Variants in NFYA observed in about 807,000 individuals in gnomAD.
The protein encoded by NFYA is nuclear transcription factor Y subunit alpha.
A neutral mutation model predicts 52.8 loss-of-function variants in NFYA; 28 were observed. The ratio of observed to expected loss-of-function variants is 0.53; its 90% CI spans 0.39 to 0.73. The LOEUF (loss-of-function observed/expected upper bound fraction) is 0.73. NFYA is among the 30% of genes least tolerant of loss of function. The pLI is 0.00. For missense variants in NFYA, 234 were observed against 427.0 expected (o/e 0.55, Z 3.98); for synonymous variants, 150 against 150.7 (o/e 1.00, Z 0.03).
intron 4 of NFYA, among the ~76,000 whole-genome samples, chr6:41,085,832 T>A (rs1764030434): frequency 6.6e-6 from 1 of 152,084 alleles, no homozygotes; most frequent in Non-Finnish European, 1.5e-5. Context: ...TAGTTAAGGA[T>A]TTTGGTTTTC....
At chr6:41,081,602 C>T (rs1164833687) in intron 3 of NFYA, among the ~76,000 whole-genome samples, 1 of 152,134 alleles carries the variant, frequency 6.6e-6, no homozygotes, top group African/African-American at 2.4e-5. Flanking sequence ...CATATACAGA[C>T]ACACATAAAC....
chr6:41,083,538 C>CCTCT, intron 3 of NFYA, among the ~76,000 whole-genome samples: 4 of 152,258 alleles, frequency 2.6e-5, no homozygotes, highest in Admixed American at 2.6e-4. Context: ...AAAGGGTCAT[C>CCTCT]CTCTACATAA....
In NFYA at chr6:41,079,122, G is replaced by A. The variant is rs755182333; in HGVS notation, c.33G>A (p.Ser11=). 9 of 1,614,034 alleles carry A rather than the reference G, an allele frequency of 5.6e-6. No homozygotes were observed. Among genetic ancestry groups the A allele is most frequent in the East Asian group, 2.2e-5 (1 of 44,892 alleles). The change falls in exon 2 of 10, where the codon TCG becomes TCA. Residue 11 remains serine (S), a synonymous_variant. Coordinates refer to ENST00000341376, the MANE Select transcript of NFYA (RefSeq NM_002505.5). ...AGTATACAGCAAACAGCAATAGTTCGACAGAGCAGATTGTTGTCCAGGCAG... is the reference window on the plus strand; with the variant it reads ...AGTATACAGCAAACAGCAATAGTTCAACAGAGCAGATTGTTGTCCAGGCAG... MEQYTANSNS[S]TEQIVVQAGQ...
intron 4 of NFYA, among the ~76,000 whole-genome samples, chr6:41,089,072 G>A (rs1268425034): frequency 3.9e-5 from 6 of 151,948 alleles, no homozygotes; most frequent in Admixed American, 2.6e-4. Flanking sequence ...TGCAACCTCC[G>A]CCTCCGGTTC....
rs1764521608 is a variant in NFYA, at chr6:41,102,303, A to T, written c.*4893A>T. On this transcript the variant is annotated 3_prime_UTR_variant, in exon 10 of 10. Transcript: ENST00000341376. The stretch of plus-strand genomic sequence containing the variant: ...ATTATCTGCTAATCTACCCAGTCTC[A>T]CATTCTATTGACTCATTGTTCAAAG... 6.6e-6 allele frequency among the ~76,000 whole-genome samples: 1 copy of T among 152,112 alleles called. No individual in the cohort carries two copies. Among genetic ancestry groups the T allele is most frequent in the Non-Finnish European group, 1.5e-5 (1 of 68,028 alleles).
At chr6:41,094,256 A>G (rs1037508670) in intron 8 of NFYA, 140 bp from the exon 9 acceptor site, 10 of 654,484 alleles carry the variant, frequency 1.5e-5, no homozygotes, top group Admixed American at 2.7e-5. Context: ...CAAAGCTTCC[A>G]TCGTCATTCT....
intron 6 of NFYA, among the ~76,000 whole-genome samples, chr6:41,090,546 C>T (rs1440618428): frequency 1.3e-5 from 2 of 152,058 alleles, no homozygotes; most frequent in Non-Finnish European, 2.9e-5. Flanking sequence ...ATTGTGTAAG[C>T]TTTTAGGGAA....
intron 4 of NFYA, among the ~76,000 whole-genome samples, chr6:41,087,552 A>G (rs1226826345): frequency 6.6e-6 from 1 of 152,250 alleles, no homozygotes; most frequent in Non-Finnish European, 1.5e-5. Context: ...GCAATGCTCA[A>G]ATAAAAAAAG....
chr6:41,081,502 A>G (rs979011134), intron 3 of NFYA, among the ~76,000 whole-genome samples: 2 of 152,182 alleles, frequency 1.3e-5, no homozygotes, highest in East Asian at 3.9e-4. Context: ...AAAAAAAAAA[A>G]AGAATTTATT....
intron 2 of NFYA, among the ~76,000 whole-genome samples, chr6:41,079,553 G>T (rs921465555): frequency 2.6e-5 from 4 of 152,070 alleles, no homozygotes; most frequent in Non-Finnish European, 4.4e-5. Flanking sequence ...TCTGTTTTTT[G>T]ATTTGGTCTG....
chr6:41,083,982 T>G, intron 3 of NFYA, 64 bp from the exon 4 acceptor site: 1 of 1,473,084 alleles, frequency 6.8e-7, no homozygotes, highest in Non-Finnish European at 9.1e-7. Context: ...CCAGTGATTG[T>G]CTTTTGGTAA....
intron 3 of NFYA, among the ~76,000 whole-genome samples, chr6:41,083,747 T>G (rs1311642235): frequency 6.6e-6 from 1 of 152,212 alleles, no homozygotes; most frequent in African/African-American, 2.4e-5. Context: ...CCATTATGAT[T>G]AAATGTTTGT....
chr6:41,093,032 A>T lies in NFYA; in HGVS notation c.835A>T (p.Arg279Trp). ...AKQYHRILKR[R>W]QARAKLEAEG... ...ACAATACCACCGTATTCTTAAGAGG[A>T]GGCAAGCCCGAGCTAAACTAGAGGC... The change falls in exon 8 of 10, where the codon AGG becomes TGG. Residue 279 changes from arginine (R) to tryptophan (W), a missense_variant. By Grantham distance (101) the Arg-to-Trp change is moderately radical (BLOSUM62 -3). Transcript: ENST00000341376. The T allele has an allele frequency of 6.2e-7, 1 of 1,614,184 alleles. No homozygotes were observed. Among genetic ancestry groups the T allele is most frequent in the Non-Finnish European group, 8.5e-7 (1 of 1,180,028 alleles).
At position 41,080,835 on chromosome 6, in the gene NFYA, C is replaced by T; in HGVS notation, c.100C>T (p.Gln34Ter). 6.2e-7 allele frequency: 1 copy of T among 1,613,800 alleles called. No homozygotes were observed. Reference sequence around the variant, plus strand: ...GCAGCAGGGTGGTGTCACTGCTGTGCAGTTGCAGACTGAGGCCCAGGTGGC... The same window carrying T: ...GCAGCAGGGTGGTGTCACTGCTGTGTAGTTGCAGACTGAGGCCCAGGTGGC... ...QQQQGGVTAV[Q>*]LQTEAQVASA... Residue 34 changes from glutamine (Q) to a stop codon, truncating the protein, a stop_gained, in exon 3 of 10, where the codon CAG (glutamine) becomes TAG (stop). Coordinates refer to ENST00000341376, the MANE Select transcript of NFYA (RefSeq NM_002505.5). LOFTEE classifies it high-confidence loss of function.
At chr6:41,089,110 A>C (rs1205352325) in intron 4 of NFYA, among the ~76,000 whole-genome samples, 1 of 152,052 alleles carries the variant, frequency 6.6e-6, no homozygotes, top group South Asian at 2.1e-4. Flanking sequence ...CAGTCTCCCA[A>C]GTAGCTGGGA....
chr6:41,092,896 T>G lies in NFYA; in HGVS notation c.715-16T>G. 1 of 1,609,548 alleles carries G rather than the reference T, an allele frequency of 6.2e-7. No individual in the cohort carries two copies. The highest frequency in any genetic ancestry group is 8.5e-7 in the Non-Finnish European group (1 of 1,177,800). ...ACTTCATGCCACCAATAAGCTCTGGTTTCCTGTTCACACAGATGGTTCCTG... is the reference window on the plus strand; with the variant it reads ...ACTTCATGCCACCAATAAGCTCTGGGTTCCTGTTCACACAGATGGTTCCTG... On this transcript the variant is annotated splice_polypyrimidine_tract_variant and intron_variant, in intron 7 of 9. Coordinates refer to ENST00000341376, the MANE Select transcript of NFYA (RefSeq NM_002505.5).
chr6:41,083,370 A>T (rs1273648246), intron 3 of NFYA, among the ~76,000 whole-genome samples: 1 of 152,258 alleles, frequency 6.6e-6, no homozygotes, highest in Non-Finnish European at 1.5e-5. Flanking sequence ...CCAGTGAGGA[A>T]TTCCACCATG....
At chr6:41,079,252 A>C in intron 2 of NFYA, 88 bp downstream of exon 2, 1 of 1,219,174 alleles carries the variant, frequency 8.2e-7, no homozygotes, top group Non-Finnish European at 1.2e-6. Flanking sequence ...CTGGGGAATT[A>C]TTTGAAAGAT....
rs1217315154 is a variant in NFYA at position 41,100,277 on chromosome 6, AC to A, written c.*2868del. Among the ~76,000 whole-genome samples, 1 of 152,246 alleles carries A rather than the reference AC, an allele frequency of 6.6e-6. No individual in the cohort carries two copies. Among genetic ancestry groups the A allele is most frequent in the African/African-American group, 2.4e-5 (1 of 41,474 alleles). ...TCCATGAGGAAAATTAGCCGTTATC[AC>A]AAAAACAGCCTTAAGTATTGTAGAA... On this transcript the variant is annotated 3_prime_UTR_variant, in exon 10 of 10. Coordinates refer to ENST00000341376, the MANE Select transcript of NFYA (RefSeq NM_002505.5).
Sources: allele counts gnomAD v4.1 joint callset (sites outside exome capture counted in the v4.1 genomes callset), GRCh38; gene constraint gnomAD v4.1.1; transcripts MANE v1.5; gene names NCBI Gene and HGNC (gene_info 2026-07-23, HGNC 2026-07-21).